Variants in NPAS3 observed in about 807,000 individuals in gnomAD.
NPAS3 encodes neuronal PAS domain protein 3.
In NPAS3, 14 loss-of-function variants were observed where a neutral mutation model predicts 73.1. The ratio of observed to expected loss-of-function variants is 0.19; its 90% CI spans 0.13 to 0.30. The LOEUF is 0.30. NPAS3 is among the 10% of genes least tolerant of loss of function. The probability of loss-of-function intolerance (pLI) is 1.00; values close to 1 mark genes in which losing one functional copy is unlikely to be tolerated. For synonymous variants in NPAS3, 620 were observed against 541.5 expected, an observed-to-expected ratio of 1.14 and a Z score of -2.01; for missense variants, 1,096 against 1,250.0, an observed-to-expected ratio of 0.88 and a Z score of 1.86.
intron 3 of NPAS3, among the ~76,000 whole-genome samples, chr14:33,336,559 C>A (rs1040525070): frequency 6.6e-6 from 1 of 152,134 alleles, no homozygotes; most frequent in Non-Finnish European, 1.5e-5. Flanking sequence ...ATACTTGGAC[C>A]CTTTTTTAAA....
intron 5 of NPAS3, among the ~76,000 whole-genome samples, chr14:33,647,877 A>G (rs1429264497): frequency 1.3e-5 from 2 of 152,224 alleles, no homozygotes; most frequent in Non-Finnish European, 2.9e-5. Context: ...CTATAGATAC[A>G]TAGTCACTCA....
intron 3 of NPAS3, among the ~76,000 whole-genome samples, chr14:33,334,439 C>T (rs2044123400): frequency 6.6e-6 from 1 of 152,126 alleles, no homozygotes; most frequent in Admixed American, 6.6e-5. Flanking sequence ...CTCTGTAGTT[C>T]TGCCTTTTCT....
intron 1 of NPAS3, among the ~76,000 whole-genome samples, chr14:33,027,415 C>T (rs534649450): frequency 1.3e-5 from 2 of 152,156 alleles, no homozygotes; most frequent in East Asian, 1.9e-4. Flanking sequence ...TTCTCTCTCT[C>T]AATATATATT....
At chr14:33,162,359 C>G (rs2044925776) in intron 2 of NPAS3, among the ~76,000 whole-genome samples, 1 of 152,124 alleles carries the variant, frequency 6.6e-6, no homozygotes, top group East Asian at 1.9e-4. Context: ...TCCCAGGCAT[C>G]ATATCTTTAC....
At chr14:32,962,491 A>C (rs1347691373) in intron 1 of NPAS3, among the ~76,000 whole-genome samples, 1 of 152,116 alleles carries the variant, frequency 6.6e-6, no homozygotes, top group Admixed American at 6.5e-5. Flanking sequence ...GTGAAATCTA[A>C]GAAAATGCTA....
chr14:33,645,079 C>G, intron 5 of NPAS3, among the ~76,000 whole-genome samples: 1 of 126,486 alleles, frequency 7.9e-6, no homozygotes, highest in South Asian at 2.4e-4. Context: ...GAAACTCCAT[C>G]TCAAAAAAAA....
At chr14:33,512,829 T>C (rs115991248) in intron 4 of NPAS3, among the ~76,000 whole-genome samples, 1,821 of 152,190 alleles carry the variant, frequency 0.012, 32 homozygotes, top group African/African-American at 0.041. Flanking sequence ...TTTAGACTTC[T>C]TATTTTACAG....
intron 4 of NPAS3, among the ~76,000 whole-genome samples, chr14:33,409,502 C>T (rs1000548398): frequency 4.6e-5 from 7 of 151,972 alleles, no homozygotes; most frequent in Non-Finnish European, 7.4e-5. Flanking sequence ...TGACAAATTG[C>T]CTATCTCTAT....
chr14:33,402,043 A>G lies in NPAS3; in HGVS notation c.468+34775A>G, dbSNP rs974576575. 2.6e-5 allele frequency among the ~76,000 whole-genome samples: 4 copies of G among 152,124 alleles called. No individual in the cohort carries two copies. In the East Asian group the frequency reaches 7.7e-4, roughly 29 times the overall value. On this transcript the variant is annotated intron_variant, in intron 4 of 11. Transcript: ENST00000356141. Reference sequence around the variant, plus strand: ...GGCATGTCCCTACAAATAGATATTCATGTTGAAAATCCATGGCCATTTTCA... The same window carrying G: ...GGCATGTCCCTACAAATAGATATTCGTGTTGAAAATCCATGGCCATTTTCA...
At chr14:33,091,868 A>T (rs1203815785) in intron 2 of NPAS3, among the ~76,000 whole-genome samples, 1 of 152,174 alleles carries the variant, frequency 6.6e-6, no homozygotes, top group East Asian at 1.9e-4. Flanking sequence ...CAATGACAAA[A>T]ACCACATGAT....
chr14:33,572,564 G>A (rs897173716), intron 5 of NPAS3, among the ~76,000 whole-genome samples: 2 of 152,156 alleles, frequency 1.3e-5, no homozygotes, highest in Non-Finnish European at 2.9e-5. Context: ...GGAAGTGGCA[G>A]AACTAGCGTT....
At chr14:33,107,470 A>G (rs552610922) in intron 2 of NPAS3, among the ~76,000 whole-genome samples, 271 of 152,144 alleles carry the variant, frequency 1.8e-3, no homozygotes, top group African/African-American at 6.3e-3. Context: ...ACGTATACCC[A>G]ATGTTTAGCT....
intron 3 of NPAS3, among the ~76,000 whole-genome samples, chr14:33,347,613 C>G (rs900848491): frequency 4.6e-5 from 7 of 152,164 alleles, no homozygotes; most frequent in African/African-American, 1.4e-4. Context: ...TAGTACAGCC[C>G]TTCCTTGGTA....
intron 5 of NPAS3, among the ~76,000 whole-genome samples, chr14:33,605,918 TTA>T (rs2057545341): frequency 1.3e-5 from 2 of 151,848 alleles, no homozygotes; most frequent in South Asian, 4.2e-4. Context: ...CCAAAACAAT[TTA>T]GAAAAGGAAA....
intron 3 of NPAS3, among the ~76,000 whole-genome samples, chr14:33,321,524 T>A (rs1391982270): frequency 6.6e-6 from 1 of 151,904 alleles, no homozygotes; most frequent in African/African-American, 2.4e-5. Flanking sequence ...ATGATGTCCG[T>A]AGGCATAATA....
chr14:33,693,768 G>A (rs1429982536), intron 6 of NPAS3, among the ~76,000 whole-genome samples: 1 of 152,104 alleles, frequency 6.6e-6, no homozygotes, highest in Non-Finnish European at 1.5e-5. Context: ...ATTACACAGT[G>A]GTGTTCCTTT....
chr14:33,131,772 T>C (rs10483427), intron 2 of NPAS3, among the ~76,000 whole-genome samples: 31,180 of 152,108 alleles, frequency 0.2, 3,355 homozygotes, highest in Non-Finnish European at 0.23. Flanking sequence ...ACAAAATCTC[T>C]GGCTTAGTTG....
intron 5 of NPAS3, among the ~76,000 whole-genome samples, chr14:33,614,272 T>C (rs1212296152): frequency 6.6e-6 from 1 of 152,212 alleles, no homozygotes; most frequent in Non-Finnish European, 1.5e-5. Context: ...TGATATCTCA[T>C]AGAGGCCCCA....
At chr14:33,301,687 G>T (rs1486901364) in intron 3 of NPAS3, among the ~76,000 whole-genome samples, 1 of 152,084 alleles carries the variant, frequency 6.6e-6, no homozygotes. Context: ...CAGATGTTCA[G>T]ATATTTTAAA....
Sources: gnomAD v4.1 joint callset for allele counts (sites outside exome capture counted in the v4.1 genomes callset) on GRCh38, gnomAD v4.1.1 for gene constraint, MANE v1.5 for transcripts, NCBI Gene and HGNC (gene_info 2026-07-23, HGNC 2026-07-21) for gene names.